Variants in CLUL1 observed in about 807,000 individuals in gnomAD.
CLUL1 encodes the protein clusterin like 1, also known as clusterin-like protein 1.
In CLUL1, 43 loss-of-function variants were observed where a neutral mutation model predicts 49.4. The ratio of observed to expected loss-of-function variants is 0.87; its 90% CI spans 0.68 to 1.12. The LOEUF is 1.12. Among genes scored for constraint, CLUL1 ranks in the 50% most tolerant of loss-of-function variants. The pLI, the probability that CLUL1 is intolerant of heterozygous loss-of-function variation, is 0.00. For missense variants in CLUL1, 486 were observed against 544.4 expected (o/e 0.89, Z 1.07); for synonymous variants, 192 against 184.9 (o/e 1.04, Z -0.31).
Position 645,810 on chromosome 18 carries a change from A to AAATAT in CLUL1, c.1397+714_1397+715insATATA, listed in dbSNP as rs1451607900. Among the ~76,000 whole-genome samples the AAATAT allele has an allele frequency of 1.9e-3, 57 of 29,818 alleles. 1 individual carries two copies. Among genetic ancestry groups the AAATAT allele is most frequent in the East Asian group, 3.4e-3 (4 of 1,160 alleles). 19.6% of individuals were successfully genotyped at this position (29,818 alleles called of 152,430 possible). On this transcript the variant is annotated intron_variant, in intron 9 of 9. Coordinates refer to ENST00000692774, the MANE Select transcript of CLUL1 (RefSeq NM_001393344.1). ...CTCTGTTTAAAAAAAAAAAAAAAAA[A>AAATAT]ATATATATATATATATATATATATA... is the stretch of plus-strand genomic sequence containing the variant.
intron 7 of CLUL1, among the ~76,000 whole-genome samples, chr18:639,583 G>C (rs1449840897): frequency 6.6e-6 from 1 of 151,894 alleles, no homozygotes; most frequent in African/African-American, 2.4e-5. Context: ...TGGTCAGCAT[G>C]GTGAAACCCC....
intron 8 of CLUL1, among the ~76,000 whole-genome samples, chr18:644,362 G>A (rs2074415638): frequency 6.6e-6 from 1 of 152,152 alleles, no homozygotes; most frequent in South Asian, 2.1e-4. Context: ...ATTTTGCATT[G>A]ATTCTTGCCA....
chr18:647,073 A>T (rs1245937554), intron 9 of CLUL1, among the ~76,000 whole-genome samples: 1 of 152,126 alleles, frequency 6.6e-6, no homozygotes, highest in Non-Finnish European at 1.5e-5. Flanking sequence ...TTAAAAATAC[A>T]TCAATTAATT....
At chr18:601,801 T>G (rs1405918268) in intron 1 of CLUL1, among the ~76,000 whole-genome samples, 1 of 151,938 alleles carries the variant, frequency 6.6e-6, no homozygotes, top group Non-Finnish European at 1.5e-5. Flanking sequence ...ACAGCGAGAC[T>G]CCATCTCAAA....
intron 6 of CLUL1, among the ~76,000 whole-genome samples, chr18:631,189 TG>T (rs1178744305): frequency 6.6e-6 from 1 of 152,170 alleles, no homozygotes; most frequent in African/African-American, 2.4e-5. Context: ...ATGCTATTTT[TG>T]TTGAGTATAG....
rs974195409 is a variant in CLUL1, at chr18:641,432, A to G, written c.1100A>G (p.His367Arg). Residue 367 changes from histidine (H) to arginine (R), a missense_variant, in exon 8 of 10, where the codon CAC becomes CGC. Coordinates refer to ENST00000692774, the MANE Select transcript of CLUL1 (RefSeq NM_001393344.1). ...YGQILQMTRKHLEDTAYLVEK... is the reference protein window; with the variant it reads ...YGQILQMTRKRLEDTAYLVEK... The stretch of plus-strand genomic sequence containing the variant: ...CAGATTCTCCAGATGACCCGGAAGC[A>G]CTTGGAGGACACCGCCTATCTGGTG... The G allele has an allele frequency of 6.2e-7, 1 of 1,614,228 alleles. No homozygotes were observed. Among genetic ancestry groups the G allele is most frequent in the Non-Finnish European group, 8.5e-7 (1 of 1,180,042 alleles).
intron 6 of CLUL1, among the ~76,000 whole-genome samples, chr18:632,647 T>A (rs1378224458): frequency 1.3e-5 from 2 of 152,164 alleles, no homozygotes; most frequent in Non-Finnish European, 2.9e-5. Flanking sequence ...AGCTGCCCTC[T>A]CCTACCTTAT....
chr18:638,213 GT>G (rs1439440069), intron 7 of CLUL1, among the ~76,000 whole-genome samples: 2 of 152,126 alleles, frequency 1.3e-5, no homozygotes, highest in East Asian at 3.8e-4. Context: ...AGAAGCATAG[GT>G]TTTTATAACA....
chr18:629,537 A>G (rs2073924328), intron 6 of CLUL1, among the ~76,000 whole-genome samples: 2 of 152,140 alleles, frequency 1.3e-5, no homozygotes, highest in Non-Finnish European at 2.9e-5. Flanking sequence ...CTACGAACAT[A>G]GGTTTCCACT....
Position 618,452 on chromosome 18 carries a change from T to C in CLUL1, c.106+346T>C, listed in dbSNP as rs938515693. The stretch of plus-strand genomic sequence containing the variant: ...TCTAGCATTTGAAAAATTTAAACCA[T>C]TAGAGTAATCTGTGCAATTGTTCTT... On this transcript the variant is annotated intron_variant, in intron 3 of 9. Transcript: ENST00000692774. This position sits in a 1 kb window ranked among gnomAD's most constrained non-coding sequence, Gnocchi z 4.2. Among the ~76,000 whole-genome samples the C allele has an allele frequency of 6.6e-6, 1 of 152,186 alleles. No individual in the cohort carries two copies. Among genetic ancestry groups the C allele is most frequent in the African/African-American group, 2.4e-5 (1 of 41,446 alleles).
At chr18:617,910 C>T (rs1373927246) in intron 2 of CLUL1, 78 bp from the exon 3 acceptor site, 6 of 1,176,732 alleles carry the variant, frequency 5.1e-6, no homozygotes, top group African/African-American at 1.5e-5. Flanking sequence ...GCTTTGGAGC[C>T]CCAGGTGTTT....
chr18:599,044 A>G (rs1172839868), intron 1 of CLUL1, among the ~76,000 whole-genome samples: 1 of 152,256 alleles, frequency 6.6e-6, no homozygotes, highest in Non-Finnish European at 1.5e-5. Context: ...AAAGATACAA[A>G]TACCTCTACA....
chr18:645,655 G>C (rs12458057), intron 9 of CLUL1, among the ~76,000 whole-genome samples: 1 of 148,548 alleles, frequency 6.7e-6, no homozygotes, highest in African/African-American at 2.5e-5. Flanking sequence ...TTAGCCGGGC[G>C]TGGTGGCGGG....
At position 618,246 on chromosome 18, in the gene CLUL1, A is replaced by T; in HGVS notation, c.106+140A>T. 1 of 619,948 alleles carries T rather than the reference A, an allele frequency of 1.6e-6. No homozygotes were observed. The highest frequency in any genetic ancestry group is 2.8e-6 in the Non-Finnish European group (1 of 354,700). 38.4% of individuals were successfully genotyped at this position (619,948 alleles called of 1,614,324 possible). A position where few individuals can be genotyped will look rare whatever the true frequency, so the allele number is the denominator to read the frequency against. On this transcript the variant is annotated intron_variant, in intron 3 of 9. Coordinates refer to ENST00000692774, the MANE Select transcript of CLUL1 (RefSeq NM_001393344.1). The surrounding 1 kb of genome is among the most constrained non-coding windows in gnomAD (Gnocchi z 4.2). ...GTTCTCAAGGCGCTTAAACCAGGTC[A>T]TCCTGACGCCAAACATCTGGGTAAA...
intron 9 of CLUL1, among the ~76,000 whole-genome samples, chr18:647,531 G>C (rs941151303): frequency 1.3e-5 from 2 of 152,152 alleles, no homozygotes; most frequent in Admixed American, 6.5e-5. Flanking sequence ...AGGGCCCAGC[G>C]CTCAGGGTGA....
In CLUL1 at chr18:649,904, A is replaced by C. The variant is rs1437516807; in HGVS notation, c.*3A>C. On this transcript the variant is annotated 3_prime_UTR_variant, in exon 10 of 10. Transcript: ENST00000692774. The stretch of plus-strand genomic sequence containing the variant: ...CTTTTTTTTTTTTTTTAAGGTAAGA[A>C]GATCTAATGCATCCTATATCCAGTA... The C allele has an allele frequency of 5.0e-6, 7 of 1,392,386 alleles. No homozygotes were observed. Among genetic ancestry groups the C allele is most frequent in the East Asian group, 4.6e-5 (2 of 43,642 alleles). The allele number at this position is 1,392,386 out of a possible 1,614,324, so 86.3% of individuals were successfully genotyped here.
chr18:645,686 C>G (rs1346454572), intron 9 of CLUL1, among the ~76,000 whole-genome samples: 5 of 146,528 alleles, frequency 3.4e-5, no homozygotes, highest in Admixed American at 6.8e-5. Context: ...CCCAGCTACT[C>G]GGGAGGCTGA....
At chr18:619,863 C>G (rs528603571) in intron 4 of CLUL1, among the ~76,000 whole-genome samples, 1 of 152,114 alleles carries the variant, frequency 6.6e-6, no homozygotes, top group Non-Finnish European at 1.5e-5. Context: ...GCTCCTACCA[C>G]CACGCCTGGC....
intron 6 of CLUL1, among the ~76,000 whole-genome samples, chr18:631,739 T>C (rs2073999013): frequency 6.6e-6 from 1 of 152,174 alleles, no homozygotes; most frequent in South Asian, 2.1e-4. Flanking sequence ...ATCACCATAT[T>C]GTGGGTAAAA....
Sources: allele counts gnomAD v4.1 joint callset (sites outside exome capture counted in the v4.1 genomes callset), GRCh38; gene constraint gnomAD v4.1.1; non-coding constraint Gnocchi (gnomAD v3.1); transcripts MANE v1.5; gene names NCBI Gene and HGNC (gene_info 2026-07-23, HGNC 2026-07-21).